The following FOXP2 variants were observed in gnomAD, a reference collection of about 807,000 sequenced individuals.
FOXP2 encodes the protein forkhead box protein P2.
A neutral mutation model predicts 115.8 loss-of-function variants in FOXP2; 12 were observed. That is an observed-to-expected ratio of 0.10 (90% CI 0.07 to 0.17). The LOEUF (loss-of-function observed/expected upper bound fraction) is 0.17, where lower values mean the gene tolerates loss of function less well. FOXP2 is among the 10% of genes least tolerant of loss of function. The pLI, the probability that FOXP2 is intolerant of heterozygous loss-of-function variation, is 1.00. For synonymous variants in FOXP2, 328 were observed against 297.7 expected, an observed-to-expected ratio of 1.10 and a Z score of -1.05; for missense variants, 629 against 843.5, an observed-to-expected ratio of 0.75 and a Z score of 3.15.
intron 1 of FOXP2, among the ~76,000 whole-genome samples, chr7:114,206,700 C>G (rs1336097357): frequency 1.3e-5 from 2 of 152,182 alleles, no homozygotes; most frequent in Non-Finnish European, 1.5e-5. Flanking sequence ...ATACCTCTTT[C>G]TAGAATAGAT....
intron 1 of FOXP2, among the ~76,000 whole-genome samples, chr7:114,124,187 GGCA>G (rs1310445153): frequency 6.6e-6 from 1 of 151,838 alleles, no homozygotes; most frequent in Non-Finnish European, 1.5e-5. Flanking sequence ...AGTTTTATGA[GGCA>G]AAGAATACTG....
chr7:114,335,635 G>T (rs1023822705), intron 2 of FOXP2, among the ~76,000 whole-genome samples: 1 of 151,812 alleles, frequency 6.6e-6, no homozygotes, highest in Non-Finnish European at 1.5e-5. Flanking sequence ...ATATTGAAAA[G>T]TACATGGATC....
chr7:114,386,909 T>C (rs1452022496), intron 2 of FOXP2, among the ~76,000 whole-genome samples: 1 of 152,234 alleles, frequency 6.6e-6, no homozygotes, highest in Non-Finnish European at 1.5e-5. Context: ...AAATAATTAT[T>C]TCACTTAATA....
At chr7:114,422,174 TA>T (rs1270647506) in intron 1 of FOXP2, among the ~76,000 whole-genome samples, 1 of 151,812 alleles carries the variant, frequency 6.6e-6, no homozygotes, top group Non-Finnish European at 1.5e-5. Flanking sequence ...ATTTAATGCA[TA>T]TGTTTGATTA....
chr7:114,480,558 C>T (rs1369540664), intron 2 of FOXP2, among the ~76,000 whole-genome samples: 2 of 149,934 alleles, frequency 1.3e-5, no homozygotes, highest in African/African-American at 4.9e-5. Flanking sequence ...CATGTATATA[C>T]ACATATACAT....
chr7:114,199,431 G>T (rs1794001495), intron 1 of FOXP2, among the ~76,000 whole-genome samples: 2 of 151,840 alleles, frequency 1.3e-5, no homozygotes, highest in Admixed American at 1.3e-4. Context: ...ATACATGATG[G>T]TCAATACCAG....
At chr7:114,659,891 T>G (rs549108972) in intron 13 of FOXP2, among the ~76,000 whole-genome samples, 12 of 152,322 alleles carry the variant, frequency 7.9e-5, no homozygotes, top group African/African-American at 2.9e-4. Context: ...TAGCTGAGGC[T>G]TGGCAGAGAA....
At chr7:114,520,840 C>G (rs1173199583) in intron 2 of FOXP2, among the ~76,000 whole-genome samples, 3 of 152,008 alleles carry the variant, frequency 2.0e-5, no homozygotes, top group Non-Finnish European at 4.4e-5. Flanking sequence ...TTGCAAATGA[C>G]TATAATCATT....
At chr7:114,582,726 A>G (rs1225092494) in intron 3 of FOXP2, among the ~76,000 whole-genome samples, 4 of 152,196 alleles carry the variant, frequency 2.6e-5, no homozygotes, top group African/African-American at 9.6e-5. Context: ...TAATAAAATA[A>G]AGCTTTTCAA....
At chr7:114,634,988 G>A (rs1805139538) in intron 6 of FOXP2, among the ~76,000 whole-genome samples, 1 of 152,068 alleles carries the variant, frequency 6.6e-6, no homozygotes, top group South Asian at 2.1e-4. Context: ...TTATTTAGAA[G>A]ACAAGATTTT....
intron 1 of FOXP2, among the ~76,000 whole-genome samples, chr7:114,192,013 C>T (rs1208079688): frequency 3.3e-5 from 5 of 152,002 alleles, no homozygotes; most frequent in African/African-American, 9.7e-5. Flanking sequence ...ATACTATATA[C>T]TGTAACCTCC....
intron 3 of FOXP2, among the ~76,000 whole-genome samples, chr7:114,589,580 G>C (rs1802341004): frequency 1.3e-5 from 2 of 152,128 alleles, no homozygotes; most frequent in African/African-American, 4.8e-5. Flanking sequence ...CCAGGCAGAT[G>C]GTTTGTTTTC....
intron 2 of FOXP2, among the ~76,000 whole-genome samples, chr7:114,303,540 C>A (rs951695741): frequency 1.3e-5 from 2 of 152,070 alleles, no homozygotes; most frequent in Non-Finnish European, 2.9e-5. Flanking sequence ...ATTTTCCTTA[C>A]CTCTTTTCTT....
At chr7:114,500,065 A>T (rs183071528) in intron 2 of FOXP2, among the ~76,000 whole-genome samples, 154 of 152,122 alleles carry the variant, frequency 1.0e-3, no homozygotes, top group Middle Eastern at 3.4e-3. Flanking sequence ...AATACAAAAA[A>T]TTAGCCAGGC....
At chr7:114,511,203 C>G (rs1798052984) in intron 2 of FOXP2, among the ~76,000 whole-genome samples, 1 of 151,744 alleles carries the variant, frequency 6.6e-6, no homozygotes, top group Admixed American at 6.6e-5. Flanking sequence ...CAGGGCCTGT[C>G]AGGGGGTGGG....
intron 2 of FOXP2, among the ~76,000 whole-genome samples, chr7:114,435,305 T>A (rs1000339710): frequency 7.2e-5 from 11 of 152,234 alleles, no homozygotes; most frequent in African/African-American, 2.6e-4. Context: ...ATTTTAATTG[T>A]TCATGAAGAG....
At chr7:114,207,514 G>A (rs372550517) in intron 1 of FOXP2, among the ~76,000 whole-genome samples, 56 of 152,174 alleles carry the variant, frequency 3.7e-4, no homozygotes, top group East Asian at 3.5e-3. Flanking sequence ...AGCATCTGAA[G>A]AACATAAAAA....
chr7:114,390,551 GAGTT>G (rs1296180631), intron 2 of FOXP2, among the ~76,000 whole-genome samples: 1 of 16,792 alleles, frequency 6.0e-5, no homozygotes, highest in African/African-American at 1.3e-4. Flanking sequence ...TTTATTTAGT[GAGTT>G]AGTTAGTTGG....
chr7:114,310,674 G>GTTGTTT (rs1286818399), intron 2 of FOXP2, among the ~76,000 whole-genome samples: 3 of 152,026 alleles, frequency 2.0e-5, no homozygotes, highest in Non-Finnish European at 4.4e-5. Context: ...TGTTGTTGTT[G>GTTGTTT]TTGTTGGACA....
Sources: allele counts gnomAD v4.1 joint callset (sites outside exome capture counted in the v4.1 genomes callset), GRCh38; gene constraint gnomAD v4.1.1; transcripts MANE v1.5; gene names NCBI Gene and HGNC (gene_info 2026-07-23, HGNC 2026-07-21).